The following TMEM242 variants were observed in gnomAD, a reference collection of about 807,000 sequenced individuals.
The protein encoded by TMEM242 is transmembrane protein 242.
In TMEM242, 10 loss-of-function variants were observed where a neutral mutation model predicts 18.2. The ratio of observed to expected loss-of-function variants is 0.55; its 90% CI spans 0.34 to 0.93. The LOEUF is 0.93. TMEM242 is among the 40% of genes least tolerant of loss of function. The pLI, the probability that TMEM242 is intolerant of heterozygous loss-of-function variation, is 0.02. For synonymous variants in TMEM242, 57 were observed against 69.9 expected (o/e 0.81, Z 0.92); for missense variants, 186 against 175.5 (o/e 1.06, Z -0.34).
chr6:157,314,490 TAA>T (rs1296647798), intron 3 of TMEM242, among the ~76,000 whole-genome samples: 2 of 152,176 alleles, frequency 1.3e-5, no homozygotes, highest in Admixed American at 6.5e-5. Flanking sequence ...AATCAAATAA[TAA>T]AATACCATAG....
chr6:157,321,520 T>G (rs1164959504), intron 2 of TMEM242, among the ~76,000 whole-genome samples: 4 of 152,214 alleles, frequency 2.6e-5, no homozygotes, highest in African/African-American at 9.7e-5. Flanking sequence ...TACTCTCCAT[T>G]GCCTCTGTAC....
intron 3 of TMEM242, among the ~76,000 whole-genome samples, chr6:157,313,317 C>A (rs1554249691): frequency 2.0e-5 from 3 of 150,864 alleles, no homozygotes; most frequent in African/African-American, 4.8e-5. Context: ...TCCCAGTGTG[C>A]GCTCACCTGG....
intron 3 of TMEM242, among the ~76,000 whole-genome samples, chr6:157,312,106 CTAGCCT>C (rs1562384178): frequency 1.4e-4 from 14 of 98,612 alleles, no homozygotes; most frequent in Non-Finnish European, 2.3e-4. Flanking sequence ...GTCCCCTCAC[CTAGCCT>C]CATCATAGTG....
At chr6:157,319,063 C>T (rs148587565) in intron 2 of TMEM242, 144 bp from the exon 3 acceptor site, 31,568 of 800,364 alleles carry the variant, frequency 0.039, 822 homozygotes, top group Non-Finnish European at 0.045. Flanking sequence ...GGCTTTGCTA[C>T]TTAATAATTG....
intron 3 of TMEM242, among the ~76,000 whole-genome samples, chr6:157,312,917 CGGCAT>C (rs2128416348): frequency 4.5e-4 from 1 of 2,202 alleles, no homozygotes; most frequent in East Asian, 8.9e-3. Flanking sequence ...TGCGCTCACC[CGGCAT>C]CATCATAGTG....
In TMEM242 at chr6:157,299,611, C is replaced by G; in HGVS notation, c.328-6612G>C. On this transcript the variant is annotated intron_variant, in intron 3 of 3. Transcript: ENST00000400788. ...TATCCACTGGATTGGAAACAATAAT[C>G]AGCTTGCAGAGGGGGCTGTACTGGA... 2.0e-5 allele frequency: 32 copies of G among 1,596,194 alleles called. No individual in the cohort carries two copies. The South Asian group carries it at 2.9e-4, about 14-fold the overall frequency.
intron 3 of TMEM242, among the ~76,000 whole-genome samples, chr6:157,310,993 C>A (rs200277609): frequency 1.3e-3 from 1 of 792 alleles, no homozygotes; most frequent in African/African-American, 0.01. Flanking sequence ...TATGCGCTAA[C>A]CTAGCCTCCC....
At chr6:157,313,037 C>T (rs1554249579) in intron 3 of TMEM242, among the ~76,000 whole-genome samples, 3 of 152,114 alleles carry the variant, frequency 2.0e-5, no homozygotes, top group East Asian at 1.9e-4. Context: ...TCATAGTGTC[C>T]CAGTGTGCAC....
Position 157,311,257 on chromosome 6 carries a change from T to G in TMEM242, c.327+7525A>C, listed in dbSNP as rs1222690751. Among the ~76,000 whole-genome samples the G allele has an allele frequency of 2.0e-3, 215 of 108,116 alleles. No homozygotes were observed. In the East Asian group the frequency reaches 0.022, roughly 11 times the overall value. 70.9% of individuals were successfully genotyped at this position (108,116 alleles called of 152,430 possible). On this transcript the variant is annotated intron_variant, in intron 3 of 3. Coordinates refer to ENST00000400788, the MANE Select transcript of TMEM242 (RefSeq NM_018452.6). Reference sequence around the variant, plus strand: ...CATAGTGTCCCAGTGTGCGCTCACCTAGCCTCATCATAGTGCCCCCGTGTG... The same window carrying G: ...CATAGTGTCCCAGTGTGCGCTCACCGAGCCTCATCATAGTGCCCCCGTGTG...
intron 3 of TMEM242, among the ~76,000 whole-genome samples, chr6:157,298,314 G>A (rs587621721): frequency 6.6e-6 from 1 of 152,156 alleles, no homozygotes; most frequent in Admixed American, 6.5e-5. Context: ...AAAATTTAGG[G>A]AAGTTTCCTT....
Position 157,323,380 on chromosome 6 carries a change from C to A in TMEM242, c.88+32G>T, listed in dbSNP as rs782638132. ...GCCAGGGTCCGGGGTTAACTCACCC[C>A]GACGCCCGCACCTCACCACAGCACA... On this transcript the variant is annotated intron_variant, in intron 1 of 3. Coordinates refer to ENST00000400788, the MANE Select transcript of TMEM242 (RefSeq NM_018452.6). The A allele has an allele frequency of 6.8e-6, 11 of 1,608,656 alleles. No homozygotes were observed. The African/African-American group carries it at 1.5e-4, about 22-fold the overall frequency.
intron 3 of TMEM242, among the ~76,000 whole-genome samples, chr6:157,296,464 A>G (rs1328509669): frequency 2.0e-5 from 3 of 152,184 alleles, no homozygotes; most frequent in Non-Finnish European, 4.4e-5. Context: ...AGACAGTTGG[A>G]TCACTTGAGG....
intron 3 of TMEM242, among the ~76,000 whole-genome samples, chr6:157,311,302 T>C (rs1583565426): frequency 9.6e-6 from 1 of 103,878 alleles, no homozygotes; most frequent in South Asian, 3.6e-4. Flanking sequence ...AGCCTCATTA[T>C]AGTGTCCCAG....
rs1777669121 is a variant in TMEM242, at chr6:157,290,305, A to G, written c.*2596T>C. 1 of 152,222 alleles carries G rather than the reference A, an allele frequency of 6.6e-6. No individual in the cohort carries two copies. The highest frequency in any genetic ancestry group is 1.5e-5 in the Non-Finnish European group (1 of 68,038). The allele number at this position is 152,222 out of a possible 1,614,324, so 9.4% of individuals were successfully genotyped here. On this transcript the variant is annotated 3_prime_UTR_variant, in exon 4 of 4. Transcript: ENST00000400788. ...GTTATCCATCCTTTAAAGCATTTCT[A>G]GTGCTCAGCCTCCATGAAATGGATT...
In TMEM242 at chr6:157,296,117, CA is replaced by C. The variant is rs1161505270; in HGVS notation, c.328-3119del. ...GATTTAGGGGTTGAGTGCATTTAAG[CA>C]AATTTGGTTATAAAGTAAATGTACT... On this transcript the variant is annotated intron_variant, in intron 3 of 3. Transcript: ENST00000400788. Among the ~76,000 whole-genome samples, 4 of 152,320 alleles carry C rather than the reference CA, an allele frequency of 2.6e-5. No individual in the cohort carries two copies. In the East Asian group the frequency reaches 5.8e-4, roughly 22 times the overall value.
At chr6:157,312,602 G>C (rs1242441958) in intron 3 of TMEM242, among the ~76,000 whole-genome samples, 3,433 of 64,992 alleles carry the variant, frequency 0.053, 1 homozygote, top group East Asian at 0.18. Flanking sequence ...GCCGCAGTGT[G>C]CACTCACCTA....
chr6:157,311,659 C>T (rs1468302053), intron 3 of TMEM242, among the ~76,000 whole-genome samples: 28 of 97,520 alleles, frequency 2.9e-4, no homozygotes, highest in South Asian at 3.6e-4. Context: ...CCAGTGTGCA[C>T]TCACCCGGCC....
In TMEM242 at chr6:157,289,899, C is replaced by G. The variant is rs1206125590; in HGVS notation, c.*3002G>C. ...CGAGGGTGGTGGTGGAGATGGCCCA[C>G]GACCCTCTCAGCAGCCACATGCTTC... On this transcript the variant is annotated 3_prime_UTR_variant, in exon 4 of 4. Coordinates refer to ENST00000400788, the MANE Select transcript of TMEM242 (RefSeq NM_018452.6). 3 of 152,228 alleles carry G rather than the reference C, an allele frequency of 2.0e-5. No individual in the cohort carries two copies. The highest frequency in any genetic ancestry group is 7.2e-5 in the African/African-American group (3 of 41,460). The allele number at this position is 152,228 out of a possible 1,614,324, so 9.4% of individuals were successfully genotyped here.
intron 3 of TMEM242, among the ~76,000 whole-genome samples, chr6:157,309,237 C>T (rs2128414120): frequency 6.6e-6 from 1 of 152,080 alleles, no homozygotes; most frequent in Admixed American, 6.5e-5. Context: ...ATGATTACAA[C>T]TTAGTAGGAT....
Sources: gnomAD v4.1 joint callset for allele counts (sites outside exome capture counted in the v4.1 genomes callset) on GRCh38, gnomAD v4.1.1 for gene constraint, MANE v1.5 for transcripts, NCBI Gene and HGNC (gene_info 2026-07-23, HGNC 2026-07-21) for gene names.